The following MSI2 variants were observed in gnomAD, a reference collection of about 807,000 sequenced individuals.
MSI2 encodes the protein RNA-binding protein Musashi homolog 2.
In MSI2, 17 loss-of-function variants were observed where a neutral mutation model predicts 45.6. The observed-to-expected ratio is 0.37, with a 90% CI of 0.26 to 0.56. The LOEUF is 0.56. MSI2 is among the 20% of genes least tolerant of loss of function. The probability of loss-of-function intolerance (pLI) is 0.77; values close to 1 mark genes in which losing one functional copy is unlikely to be tolerated. For missense variants in MSI2, 293 were observed against 444.2 expected (o/e 0.66, Z 3.06); for synonymous variants, 156 against 158.2 (o/e 0.99, Z 0.11).
In MSI2 at chr17:57,638,520, C is replaced by T. The variant is rs567559601; in HGVS notation, c.727+11217C>T. ...AGAGGGAGCCGTTGACTCTGCTGGA[C>T]AGCCTTCAGGAAGGGGTGAAAACTT... On this transcript the variant is annotated intron_variant, in intron 10 of 13. Coordinates refer to ENST00000284073, the MANE Select transcript of MSI2 (RefSeq NM_138962.4). Among the ~76,000 whole-genome samples, 65 of 152,284 alleles carry T rather than the reference C, an allele frequency of 4.3e-4. No homozygotes were observed. In the South Asian group the frequency reaches 0.013, roughly 30 times the overall value.
At chr17:57,409,992 T>C (rs1349935786) in intron 6 of MSI2, among the ~76,000 whole-genome samples, 3 of 95,294 alleles carry the variant, frequency 3.1e-5, no homozygotes, top group Non-Finnish European at 6.1e-5. Context: ...CGGGTGACAG[T>C]GTGAGACTCT....
At chr17:57,340,437 TAATGG>T (rs1425080393) in intron 5 of MSI2, among the ~76,000 whole-genome samples, 1 of 152,188 alleles carries the variant, frequency 6.6e-6, no homozygotes, top group African/African-American at 2.4e-5. Flanking sequence ...AGATGAAATA[TAATGG>T]ATCAAGCTCT....
the MSI2 span, among the ~76,000 whole-genome samples, chr17:57,697,150 A>ACACACATACACT: frequency 6.6e-6 from 1 of 150,558 alleles, no homozygotes; most frequent in African/African-American, 2.4e-5. Flanking sequence ...CAGGACACAC[A>ACACACATACACT]CACACACACA....
chr17:57,294,966 C>G (rs555325525), intron 5 of MSI2, among the ~76,000 whole-genome samples: 1 of 152,206 alleles, frequency 6.6e-6, no homozygotes, highest in South Asian at 2.1e-4. Context: ...GGCAGGTGAT[C>G]AGCGGGCGAA....
At chr17:57,373,288 T>C (rs974943397) in intron 5 of MSI2, among the ~76,000 whole-genome samples, 3 of 151,718 alleles carry the variant, frequency 2.0e-5, no homozygotes, top group African/African-American at 7.3e-5. Context: ...AATTTCACCC[T>C]CTCATTTTAC....
At chr17:57,260,028 T>A (rs1217592557) in intron 4 of MSI2, 1 of 152,284 alleles carries the variant, frequency 6.6e-6, no homozygotes, top group African/African-American at 2.4e-5. Context: ...GGATCTTGTT[T>A]ACTGTTACCT....
chr17:57,275,452 A>G (rs1189743582), intron 5 of MSI2, among the ~76,000 whole-genome samples: 1 of 152,234 alleles, frequency 6.6e-6, no homozygotes, highest in Non-Finnish European at 1.5e-5. Context: ...TTGATCTACA[A>G]ACCCATGAGC....
chr17:57,299,200 T>A (rs576202173), intron 5 of MSI2, among the ~76,000 whole-genome samples: 1 of 152,376 alleles, frequency 6.6e-6, no homozygotes, highest in East Asian at 1.9e-4. Flanking sequence ...GGTTTGATCT[T>A]CTATCCAGAT....
At chr17:57,348,798 G>T (rs1202282550) in intron 5 of MSI2, among the ~76,000 whole-genome samples, 1 of 152,178 alleles carries the variant, frequency 6.6e-6, no homozygotes, top group Non-Finnish European at 1.5e-5. Flanking sequence ...ATGACCTATA[G>T]GGAGAATGGT....
intron 11 of MSI2, among the ~76,000 whole-genome samples, chr17:57,661,055 T>C (rs776687413): frequency 1.3e-5 from 2 of 152,166 alleles, no homozygotes; most frequent in East Asian, 1.9e-4. Flanking sequence ...TTCGTGTACA[T>C]TGTAAACACT....
At chr17:57,450,485 T>A (rs1459446814) in intron 6 of MSI2, among the ~76,000 whole-genome samples, 3 of 151,336 alleles carry the variant, frequency 2.0e-5, no homozygotes, top group African/African-American at 7.3e-5. Flanking sequence ...GAGACCAGCC[T>A]GGCTAACATG....
intron 6 of MSI2, among the ~76,000 whole-genome samples, chr17:57,471,009 C>T (rs1778101552): frequency 6.6e-6 from 1 of 152,220 alleles, no homozygotes; most frequent in Non-Finnish European, 1.5e-5. Context: ...TGCTTCTGCT[C>T]TCTTGGCTCT....
chr17:57,627,210 C>CT lies in MSI2; in HGVS notation c.653-16dup. ...GCGGCTGTACTAACAGGACTCTGAT[C>CT]TTTCTCTTTGTGTTCAAGGATATCC... On this transcript the variant is annotated intron_variant, in intron 9 of 13. Transcript: ENST00000284073. The surrounding 1 kb of genome is among the most constrained non-coding windows in gnomAD (Gnocchi z 4.6). 1 of 1,613,724 alleles carries CT rather than the reference C, an allele frequency of 6.2e-7. No homozygotes were observed. The highest frequency in any genetic ancestry group is 8.5e-7 in the Non-Finnish European group (1 of 1,179,600).
At chr17:57,375,016 C>G (rs1419532606) in intron 5 of MSI2, among the ~76,000 whole-genome samples, 1 of 152,156 alleles carries the variant, frequency 6.6e-6, no homozygotes, top group Non-Finnish European at 1.5e-5. Context: ...TTTGCTCTTC[C>G]TGGTCATTGC....
intron 6 of MSI2, among the ~76,000 whole-genome samples, chr17:57,469,413 T>C (rs1411629644): frequency 6.6e-6 from 1 of 152,228 alleles, no homozygotes; most frequent in East Asian, 1.9e-4. Context: ...TCATGCCCTA[T>C]TGCACCAAGC....
intron 6 of MSI2, among the ~76,000 whole-genome samples, chr17:57,440,175 A>G (rs1598272525): frequency 6.6e-6 from 1 of 152,120 alleles, no homozygotes; most frequent in East Asian, 1.9e-4. Flanking sequence ...CTGTGAGCTG[A>G]GGAGGCAGCG....
chr17:57,693,919 G>T, the MSI2 span, among the ~76,000 whole-genome samples: 1 of 152,200 alleles, frequency 6.6e-6, no homozygotes, highest in Non-Finnish European at 1.5e-5. Flanking sequence ...TATGAGTTAA[G>T]AATGGTTTTT....
At chr17:57,380,625 C>T (rs2083583023) in intron 5 of MSI2, among the ~76,000 whole-genome samples, 6 of 152,174 alleles carry the variant, frequency 3.9e-5, no homozygotes, top group Admixed American at 2.6e-4. Context: ...GTTAGTCCTT[C>T]AGCCCCCTAC....
At chr17:57,663,977 G>C in intron 11 of MSI2, among the ~76,000 whole-genome samples, 1 of 151,670 alleles carries the variant, frequency 6.6e-6, no homozygotes, top group Non-Finnish European at 1.5e-5. Context: ...TTGCCTTGTT[G>C]ATTACTCCAG....
Sources: allele counts gnomAD v4.1 joint callset (sites outside exome capture counted in the v4.1 genomes callset), GRCh38; gene constraint gnomAD v4.1.1; non-coding constraint Gnocchi (gnomAD v3.1); transcripts MANE v1.5; gene names NCBI Gene and HGNC (gene_info 2026-07-23, HGNC 2026-07-21).